Variants in SMYD3 observed in about 807,000 individuals in gnomAD.
SMYD3 encodes SET and MYND domain containing 3.
In SMYD3, 36 loss-of-function variants were observed where a neutral mutation model predicts 57.7. The ratio of observed to expected loss-of-function variants is 0.62; its 90% CI spans 0.48 to 0.82. SMYD3 has a LOEUF of 0.82. SMYD3 is among the 40% of genes least tolerant of loss of function. SMYD3 has a pLI of 0.00. For missense variants in SMYD3, 515 were observed against 538.8 expected, an observed-to-expected ratio of 0.96 and a Z score of 0.44; for synonymous variants, 211 against 195.0, an observed-to-expected ratio of 1.08 and a Z score of -0.68.
intron 10 of SMYD3, among the ~76,000 whole-genome samples, chr1:245,846,534 T>A (rs565651460): frequency 6.6e-6 from 1 of 152,242 alleles, no homozygotes; most frequent in East Asian, 1.9e-4. Context: ...AATAAATGAA[T>A]CCATGGCCTG....
chr1:246,158,629 A>G (rs1314226045), intron 5 of SMYD3, among the ~76,000 whole-genome samples: 1 of 152,216 alleles, frequency 6.6e-6, no homozygotes, highest in Non-Finnish European at 1.5e-5. Flanking sequence ...AATTCCTAGC[A>G]CATAATACGT....
intron 1 of SMYD3, among the ~76,000 whole-genome samples, chr1:246,434,429 C>A (rs752972252): frequency 1.3e-5 from 2 of 152,152 alleles, no homozygotes; most frequent in Non-Finnish European, 2.9e-5. Flanking sequence ...TATCCAAAAT[C>A]TATAATGAAC....
chr1:246,213,506 C>T (rs907668045), intron 5 of SMYD3, among the ~76,000 whole-genome samples: 8 of 152,104 alleles, frequency 5.3e-5, no homozygotes, highest in African/African-American at 1.4e-4. Flanking sequence ...ATAACATGAG[C>T]AAAACAGAGC....
At chr1:246,351,927 G>A (rs1312707936) in intron 2 of SMYD3, among the ~76,000 whole-genome samples, 1 of 152,012 alleles carries the variant, frequency 6.6e-6, no homozygotes, top group South Asian at 2.1e-4. Context: ...CCTGAGATCA[G>A]GAGCTTGAGA....
intron 5 of SMYD3, among the ~76,000 whole-genome samples, chr1:246,027,565 A>G (rs1305063567): frequency 6.6e-6 from 1 of 152,236 alleles, no homozygotes; most frequent in Non-Finnish European, 1.5e-5. Context: ...AGCCTGGGTG[A>G]CAGCATATCT....
intron 5 of SMYD3, among the ~76,000 whole-genome samples, chr1:246,136,476 A>T (rs4654214): frequency 0.51 from 77,600 of 152,036 alleles, 23,340 homozygotes; most frequent in Non-Finnish European, 0.69. Context: ...AAAGAAAAAA[A>T]GTACAACTCT....
At chr1:246,124,679 G>A (rs765949329) in intron 5 of SMYD3, among the ~76,000 whole-genome samples, 25 of 152,180 alleles carry the variant, frequency 1.6e-4, no homozygotes, top group Non-Finnish European at 3.5e-4. Flanking sequence ...AGGCCGGAGA[G>A]GGACACAAGC....
chr1:246,419,849 C>T (rs2067116745), intron 1 of SMYD3, among the ~76,000 whole-genome samples: 1 of 152,258 alleles, frequency 6.6e-6, no homozygotes, highest in Non-Finnish European at 1.5e-5. Context: ...AAACTATCTT[C>T]CGCAAAACCA....
intron 5 of SMYD3, among the ~76,000 whole-genome samples, chr1:246,101,192 G>T (rs56360808): frequency 6.9e-6 from 1 of 145,172 alleles, no homozygotes; most frequent in Non-Finnish European, 1.5e-5. Context: ...CTTCCAATTA[G>T]AAGCAGCCAA....
chr1:245,961,531 G>A (rs1215143564), intron 5 of SMYD3, among the ~76,000 whole-genome samples: 1 of 3,216 alleles, frequency 3.1e-4, no homozygotes, highest in East Asian at 0.012. Flanking sequence ...TCTCCAAACT[G>A]GAGGCCTAAA....
intron 1 of SMYD3, among the ~76,000 whole-genome samples, chr1:246,468,363 A>G (rs1037275682): frequency 1.3e-5 from 2 of 152,066 alleles, no homozygotes; most frequent in African/African-American, 4.8e-5. Flanking sequence ...TTTACAGTTC[A>G]GACATGGTAG....
chr1:246,292,159 C>CACACAAGCATCTTAGACTTACTATCCAAA (rs2064705614), intron 5 of SMYD3, among the ~76,000 whole-genome samples: 1 of 147,322 alleles, frequency 6.8e-6, no homozygotes, highest in Non-Finnish European at 1.5e-5. Context: ...TACTATCCAA[C>CACACAAGCATCTTAGACTTACTATCCAAA]ACACCAGCAT....
At chr1:245,965,847 C>T (rs1432072768) in intron 5 of SMYD3, among the ~76,000 whole-genome samples, 1 of 152,136 alleles carries the variant, frequency 6.6e-6, no homozygotes, top group East Asian at 1.9e-4. Context: ...ACAGGATGCA[C>T]AACACCAAGG....
chr1:245,998,557 A>G (rs1288318737), intron 5 of SMYD3, among the ~76,000 whole-genome samples: 1 of 152,182 alleles, frequency 6.6e-6, no homozygotes, highest in Non-Finnish European at 1.5e-5. Context: ...ATCCTCGTGC[A>G]TTGCTGGTGG....
intron 2 of SMYD3, among the ~76,000 whole-genome samples, chr1:246,342,523 G>T (rs2065648589): frequency 6.6e-6 from 1 of 152,172 alleles, no homozygotes; most frequent in South Asian, 2.1e-4. Flanking sequence ...AGGCTAAGCA[G>T]GTTGTCTAAC....
At chr1:246,377,252 G>A (rs2066294492) in intron 1 of SMYD3, among the ~76,000 whole-genome samples, 1 of 150,678 alleles carries the variant, frequency 6.6e-6, no homozygotes, top group African/African-American at 2.4e-5. Context: ...TTAATGTCTG[G>A]CTTAATAGAA....
At chr1:246,275,141 C>A (rs892391595) in intron 5 of SMYD3, among the ~76,000 whole-genome samples, 1 of 152,132 alleles carries the variant, frequency 6.6e-6, no homozygotes, top group Non-Finnish European at 1.5e-5. Flanking sequence ...AGACAAAATA[C>A]AATGCGCAAG....
intron 10 of SMYD3, among the ~76,000 whole-genome samples, chr1:245,824,650 G>A (rs1030148392): frequency 5.9e-5 from 9 of 152,188 alleles, no homozygotes; most frequent in African/African-American, 1.2e-4. Context: ...GAGGTTGGGA[G>A]TTGGAGACCA....
intron 1 of SMYD3, among the ~76,000 whole-genome samples, chr1:246,361,197 G>T (rs2152944): frequency 0.24 from 36,637 of 152,090 alleles, 4,806 homozygotes; most frequent in East Asian, 0.51. Context: ...ATGGAAAAAT[G>T]CTCAACATCA....
Sources: gnomAD v4.1 joint callset for allele counts (sites outside exome capture counted in the v4.1 genomes callset) on GRCh38, gnomAD v4.1.1 for gene constraint, MANE v1.5 for transcripts, NCBI Gene and HGNC (gene_info 2026-07-23, HGNC 2026-07-21) for gene names.